The following SIRT5 variants were observed in gnomAD, a reference collection of about 807,000 sequenced individuals.
SIRT5 encodes the protein sirtuin 5, also known as NAD-dependent protein deacylase sirtuin-5, mitochondrial.
A neutral mutation model predicts 40.0 loss-of-function variants in SIRT5; 26 were observed. The ratio of observed to expected loss-of-function variants is 0.65; its 90% CI spans 0.48 to 0.90. SIRT5 has a LOEUF of 0.90. SIRT5 is among the 40% of genes least tolerant of loss of function. SIRT5 has a pLI of 0.00. For missense variants in SIRT5, 401 were observed against 402.4 expected (o/e 1.00, Z 0.03); for synonymous variants, 146 against 149.1 (o/e 0.98, Z 0.15).
In SIRT5 at chr6:13,600,962, C is replaced by G. The variant is rs1223143059; in HGVS notation, c.857+13C>G. Reference sequence around the variant, plus strand: ...CGAACAGATTCAGGTACTGGGATACCCTGATGGGAGAGGGAGATGTGGGAG... The same window carrying G: ...CGAACAGATTCAGGTACTGGGATACGCTGATGGGAGAGGGAGATGTGGGAG... On this transcript the variant is annotated intron_variant, in intron 9 of 9. Transcript: ENST00000606117. 6.3e-7 allele frequency: 1 copy of G among 1,595,006 alleles called. No homozygotes were observed. The highest frequency in any genetic ancestry group is 8.6e-7 in the Non-Finnish European group (1 of 1,163,132).
chr6:13,588,851 G>A (rs752655759), intron 4 of SIRT5, among the ~76,000 whole-genome samples: 1 of 152,168 alleles, frequency 6.6e-6, no homozygotes, highest in Non-Finnish European at 1.5e-5. Flanking sequence ...TGAAGGGTTA[G>A]GATTTGATAT....
intron 4 of SIRT5, 129 bp from the exon 5 acceptor site, chr6:13,591,540 C>T (rs1043061299): frequency 2.1e-5 from 15 of 719,590 alleles, no homozygotes; most frequent in Non-Finnish European, 3.4e-5. Flanking sequence ...GAACATAGTG[C>T]TGCCATCTCC....
chr6:13,592,875 A>AT (rs70989873), intron 5 of SIRT5, among the ~76,000 whole-genome samples: 70,389 of 150,036 alleles, frequency 0.47, 16,995 homozygotes, highest in Non-Finnish European at 0.53. Flanking sequence ...TGCATTTCTT[A>AT]TTTTTTAAGC....
rs370115414 is a variant in SIRT5 at position 13,605,407 on chromosome 6, GA to G, written c.857+4468del. ...TCTAACCCCTGCTCTAGGTTACGGA[GA>G]AAAAAAAAATGGAATAATGTTCTCT... is the stretch of plus-strand genomic sequence containing the variant. On this transcript the variant is annotated intron_variant, in intron 9 of 9. Transcript: ENST00000606117. The G allele has an allele frequency of 4.7e-4, 431 of 917,820 alleles. No homozygotes were observed. In the Middle Eastern group the frequency reaches 6.1e-3, roughly 13 times the overall value. 56.9% of individuals were successfully genotyped at this position (917,820 alleles called of 1,614,324 possible).
intron 9 of SIRT5, among the ~76,000 whole-genome samples, chr6:13,606,984 C>CTT (rs74503844): frequency 1.1e-4 from 15 of 135,850 alleles, no homozygotes; most frequent in South Asian, 4.7e-4. Context: ...ACTTGGCCTG[C>CTT]TTTTTTTTTT....
chr6:13,574,376 C>G (rs1040460189), upstream of SIRT5, among the ~76,000 whole-genome samples: 24 of 151,982 alleles, frequency 1.6e-4, no homozygotes, highest in African/African-American at 2.4e-5. Flanking sequence ...TTCGAGGTCC[C>G]GACCAAGCAC....
chr6:13,614,598 C>G lies in SIRT5; in HGVS notation c.*2733C>G, dbSNP rs1007949160. On this transcript the variant is annotated 3_prime_UTR_variant, in exon 10 of 10. Coordinates refer to ENST00000606117, the MANE Select transcript of SIRT5 (RefSeq NM_012241.5). ...ATACCACAAAACTCGGGTGCATTCT[C>G]TAGGGACCGGCGAAGCCATTCTTTC... The G allele has an allele frequency of 6.6e-6, 1 of 152,278 alleles. No individual in the cohort carries two copies. The highest frequency in any genetic ancestry group is 1.5e-5 in the Non-Finnish European group (1 of 68,066). 9.4% of individuals were successfully genotyped at this position (152,278 alleles called of 1,614,324 possible).
chr6:13,611,420 G>A (rs1026039946), intron 9 of SIRT5, among the ~76,000 whole-genome samples: 8 of 151,024 alleles, frequency 5.3e-5, no homozygotes, highest in Non-Finnish European at 1.0e-4. Flanking sequence ...ATTTCAATGA[G>A]TTTGGCAGTA....
intron 5 of SIRT5, 135 bp downstream of exon 5, chr6:13,592,029 C>T: frequency 1.1e-6 from 1 of 882,772 alleles, no homozygotes; most frequent in Non-Finnish European, 1.7e-6. Context: ...GTGGCATTTC[C>T]TTTGGGGACA....
chr6:13,589,873 A>G (rs1760601195), intron 4 of SIRT5, among the ~76,000 whole-genome samples: 1 of 152,200 alleles, frequency 6.6e-6, no homozygotes. Context: ...CAGACAAAGC[A>G]AAGAAGTCAG....
At chr6:13,600,742 G>T in intron 8 of SIRT5, 92 bp from the exon 9 acceptor site, 1 of 1,000,930 alleles carries the variant, frequency 1.0e-6, no homozygotes, top group South Asian at 1.6e-5. Context: ...TGCAACCACA[G>T]ACCTGCCTGA....
intron 4 of SIRT5, chr6:13,589,677 G>T (rs1760566354): frequency 6.6e-6 from 1 of 152,380 alleles, no homozygotes; most frequent in African/African-American, 2.4e-5. Flanking sequence ...TCTGGGTGAA[G>T]GGTGGGGGTC....
chr6:13,585,493 T>G (rs1190277270), intron 3 of SIRT5, among the ~76,000 whole-genome samples: 1 of 151,690 alleles, frequency 6.6e-6, no homozygotes, highest in Non-Finnish European at 1.5e-5. Flanking sequence ...ACGTGTGGTG[T>G]TTGGTTTTCT....
At chr6:13,581,243 T>G (rs1419941459) in intron 2 of SIRT5, among the ~76,000 whole-genome samples, 1 of 152,248 alleles carries the variant, frequency 6.6e-6, no homozygotes, top group African/African-American at 2.4e-5. Flanking sequence ...GGATCCCACG[T>G]AGCATTTACT....
chr6:13,593,560 G>A (rs151243503), intron 5 of SIRT5, among the ~76,000 whole-genome samples: 1 of 152,192 alleles, frequency 6.6e-6, no homozygotes, highest in African/African-American at 2.4e-5. Flanking sequence ...TCATATATGT[G>A]TGTTAGTCAG....
upstream of SIRT5, among the ~76,000 whole-genome samples, chr6:13,574,306 G>A (rs924348450): frequency 6.6e-6 from 1 of 152,116 alleles, no homozygotes; most frequent in Non-Finnish European, 1.5e-5. Context: ...GCCTCCCGCA[G>A]GTGCGTCTCT....
chr6:13,596,280 A>T (rs1006890962), intron 6 of SIRT5, among the ~76,000 whole-genome samples: 3 of 152,148 alleles, frequency 2.0e-5, no homozygotes, highest in African/African-American at 7.2e-5. Flanking sequence ...TGAGGAAAAA[A>T]TTTGAGGGTA....
chr6:13,615,129 T>A lies in SIRT5; in HGVS notation c.*3264T>A. On this transcript the variant is annotated 3_prime_UTR_variant, in exon 10 of 10. Transcript: ENST00000606117. ...AAATCAACCCCATTGCCAGCCGCTT[T>A]CGCCGGCAGAGCATTTTCCGTGGGG... 2.0e-6 allele frequency: 1 copy of A among 497,572 alleles called. No individual in the cohort carries two copies. Among genetic ancestry groups the A allele is most frequent in the Non-Finnish European group, 3.5e-6 (1 of 287,670 alleles). 30.8% of individuals were successfully genotyped at this position (497,572 alleles called of 1,614,324 possible). A position where few individuals can be genotyped will look rare whatever the true frequency, so the allele number is the denominator to read the frequency against.
In SIRT5 at chr6:13,611,861, C is replaced by T. The variant is rs892096367; in HGVS notation, c.929C>T (p.Ser310Phe). ...GCCTGTCATGAAAATGAAACTGTTT[C>T]TTAAGTGTCCTGGGGAAGAAAGAAA... ...ALACHENETV[S>F] The change falls in exon 10 of 10, where the codon TCT (serine) becomes TTT (phenylalanine). Residue 310 changes from serine (S) to phenylalanine (F), a missense_variant. By Grantham distance (155) the Ser-to-Phe change is radical. Transcript: ENST00000606117. 4.3e-6 allele frequency: 7 copies of T among 1,613,690 alleles called. No individual in the cohort carries two copies. The African/African-American group carries it at 9.3e-5, about 22-fold the overall frequency.
Sources: allele counts gnomAD v4.1 joint callset (sites outside exome capture counted in the v4.1 genomes callset), GRCh38; gene constraint gnomAD v4.1.1; transcripts MANE v1.5; gene names NCBI Gene and HGNC (gene_info 2026-07-23, HGNC 2026-07-21).